TMX1: variants seen among roughly 807,000 people sequenced by gnomAD.
TMX1 encodes thioredoxin-related transmembrane protein 1.
In TMX1, 25 loss-of-function variants were observed where a neutral mutation model predicts 36.6. That is an observed-to-expected ratio of 0.68 (90% confidence interval 0.50 to 0.95). TMX1 has a LOEUF of 0.95. TMX1 is among the 40% of genes least tolerant of loss of function. The pLI is 0.00. For synonymous variants in TMX1, 133 were observed against 118.0 expected (o/e 1.13, Z -0.82); for missense variants, 347 against 339.6 (o/e 1.02, Z -0.17).
intron 7 of TMX1, among the ~76,000 whole-genome samples, chr14:51,252,796 A>G (rs934434355): frequency 1.1e-4 from 17 of 152,324 alleles, no homozygotes; most frequent in Admixed American, 7.8e-4. Context: ...TGGTTTATGT[A>G]GGGATGAAGT....
At chr14:51,250,838 G>T (rs897539839) in intron 7 of TMX1, among the ~76,000 whole-genome samples, 2 of 152,190 alleles carry the variant, frequency 1.3e-5, no homozygotes, top group African/African-American at 4.8e-5. Context: ...TTTCCGAAAT[G>T]AAGTCTATGG....
In TMX1 at chr14:51,247,216, G is replaced by T; in HGVS notation, c.439G>T (p.Val147Phe). 6.2e-7 allele frequency: 1 copy of T among 1,610,816 alleles called. No homozygotes were observed. Among genetic ancestry groups the T allele is most frequent in the South Asian group, 1.1e-5 (1 of 90,282 alleles). ...PVSSWFGPGS[V>F]LMSSMSALFQ... ...TTCATCATGGTTTGGTCCAGGTTCT[G>T]TTCTGTAAGTATGAGGGCTTTTTCT... The change falls in exon 4 of 8, where the codon GTT becomes TTT. Residue 147 changes from valine to phenylalanine, a missense_variant. Physicochemically the swap from Val to Phe is conservative, Grantham distance 50. Coordinates refer to ENST00000457354, the MANE Select transcript of TMX1 (RefSeq NM_030755.5).
chr14:51,240,901 C>T (rs993716570), intron 1 of TMX1, among the ~76,000 whole-genome samples: 1 of 152,008 alleles, frequency 6.6e-6, no homozygotes, highest in Non-Finnish European at 1.5e-5. Flanking sequence ...AAGATAGTCT[C>T]TTTATGGTGT....
Position 51,249,391 on chromosome 14 carries a change from T to C in TMX1, c.489+20T>C. On this transcript the variant is annotated intron_variant, in intron 5 of 7. Transcript: ENST00000457354. ...ATCAGGGTATGGACTAAAATATTTT[T>C]ATCTTAAACATTTTTACCACTATCA... is the stretch of plus-strand genomic sequence containing the variant. 6.2e-7 allele frequency: 1 copy of C among 1,600,924 alleles called. No individual in the cohort carries two copies. The highest frequency in any genetic ancestry group is 8.5e-7 in the Non-Finnish European group (1 of 1,174,984).
At chr14:51,241,043 C>CT (rs1485013337) in intron 1 of TMX1, among the ~76,000 whole-genome samples, 3 of 151,832 alleles carry the variant, frequency 2.0e-5, no homozygotes, top group East Asian at 3.9e-4. Context: ...TTTGCTTTCT[C>CT]TTTTTTTCAC....
At chr14:51,246,116 T>A (rs184072004) in intron 3 of TMX1, among the ~76,000 whole-genome samples, 35 of 152,268 alleles carry the variant, frequency 2.3e-4, no homozygotes, top group Admixed American at 5.9e-4. Flanking sequence ...CCCTACTCCC[T>A]TTACATCTAT....
Position 51,245,314 on chromosome 14 carries a change from A to T in TMX1, c.270A>T (p.Gly90=), listed in dbSNP as rs1433590554. ...CTGCTGTGTGTTCTTTATTTGTAGG[A>T]CTGAGTGGACGGTTTATCATAACTG... The part of the protein sequence containing the change: ...IAKVDVTEQP[G]LSGRFIITAL... The change falls in exon 3 of 8, where the codon GGA becomes GGT. Residue 90 remains glycine (G), a splice_region_variant and synonymous_variant. Transcript: ENST00000457354. 6.2e-7 allele frequency: 1 copy of T among 1,613,712 alleles called. No individual in the cohort carries two copies. Among genetic ancestry groups the T allele is most frequent in the Non-Finnish European group, 8.5e-7 (1 of 1,179,960 alleles).
intron 7 of TMX1, among the ~76,000 whole-genome samples, chr14:51,253,581 T>A (rs1421897339): frequency 6.6e-6 from 1 of 152,184 alleles, no homozygotes; most frequent in Admixed American, 6.5e-5. Context: ...AGAGTAAAGC[T>A]CTTTGACCCA....
chr14:51,241,538 G>A (rs2065761312), intron 1 of TMX1, among the ~76,000 whole-genome samples: 1 of 152,134 alleles, frequency 6.6e-6, no homozygotes, highest in Non-Finnish European at 1.5e-5. Context: ...TTCAGAGTAG[G>A]CATACAATAA....
At chr14:51,246,236 C>T (rs746243858) in intron 3 of TMX1, among the ~76,000 whole-genome samples, 1 of 152,104 alleles carries the variant, frequency 6.6e-6, no homozygotes, top group Non-Finnish European at 1.5e-5. Context: ...CTTCTTAGTG[C>T]CCTGTGACCT....
Position 51,249,856 on chromosome 14 carries a change from A to G in TMX1, c.664+91A>G. 3.1e-6 allele frequency: 3 copies of G among 974,014 alleles called. No homozygotes were observed. In the South Asian group the frequency reaches 5.3e-5, roughly 17 times the overall value. The allele number at this position is 974,014 out of a possible 1,614,324, so 60.3% of individuals were successfully genotyped here. On this transcript the variant is annotated intron_variant, in intron 7 of 7. Transcript: ENST00000457354. ...CACACATTTCACAGGTTGCTCTTCCAGCTTAGAATTCTAACTGTGGATTGT... is the reference window on the plus strand; with the variant it reads ...CACACATTTCACAGGTTGCTCTTCCGGCTTAGAATTCTAACTGTGGATTGT...
At chr14:51,240,486 A>G (rs762966688) in intron 1 of TMX1, 42 bp downstream of exon 1, 53 of 1,594,836 alleles carry the variant, frequency 3.3e-5, no homozygotes, top group Non-Finnish European at 4.2e-5. Flanking sequence ...GTGCCTGGAC[A>G]CACGACTTCA....
intron 4 of TMX1, among the ~76,000 whole-genome samples, chr14:51,248,275 G>C (rs2065795820): frequency 6.6e-6 from 1 of 152,212 alleles, no homozygotes; most frequent in African/African-American, 2.4e-5. Context: ...ACCATGGACT[G>C]ATCCTGTGTG....
Position 51,247,152 on chromosome 14 carries a change from C to A in TMX1, c.375C>A (p.Asn125Lys), listed in dbSNP as rs1214599095. ...QGPRTKKDFI[N>K]FISDKEWKSI... ...CAAGGACTAAGAAGGACTTCATAAA[C>A]TTTATAAGTGATAAAGAGTGGAAGA... is the stretch of plus-strand genomic sequence containing the variant. Residue 125 changes from asparagine (N) to lysine (K), a missense_variant, in exon 4 of 8, where the codon AAC becomes AAA. Asn to Lys is a moderately conservative substitution (Grantham distance 94). Transcript: ENST00000457354. 1 of 1,613,290 alleles carries A rather than the reference C, an allele frequency of 6.2e-7. No individual in the cohort carries two copies. Among genetic ancestry groups the A allele is most frequent in the Non-Finnish European group, 8.5e-7 (1 of 1,179,792 alleles).
At chr14:51,243,654 C>G (rs2139851209) in intron 1 of TMX1, among the ~76,000 whole-genome samples, 1 of 152,336 alleles carries the variant, frequency 6.6e-6, no homozygotes, top group South Asian at 2.1e-4. Flanking sequence ...TGATTAGCAT[C>G]ATCAGTTCAT....
At chr14:51,242,728 G>C (rs2065767537) in intron 1 of TMX1, among the ~76,000 whole-genome samples, 1 of 152,100 alleles carries the variant, frequency 6.6e-6, no homozygotes, top group African/African-American at 2.4e-5. Flanking sequence ...AGTGAGCCCA[G>C]ATGGCGCCAC....
intron 1 of TMX1, among the ~76,000 whole-genome samples, chr14:51,243,354 T>C (rs956115333): frequency 1.3e-5 from 2 of 152,234 alleles, no homozygotes; most frequent in African/African-American, 4.8e-5. Context: ...TTCTTTTAAA[T>C]ATGAATAGCC....
chr14:51,242,334 G>A lies in TMX1; in HGVS notation c.153-1522G>A, dbSNP rs535937617. On this transcript the variant is annotated intron_variant, in intron 1 of 7. Transcript: ENST00000457354. ...AATAGTGTTATAAGCAATATATTAA[G>A]CAATAGTGATCGTGTGTGTATATGC... 1.5e-3 allele frequency among the ~76,000 whole-genome samples: 227 copies of A among 152,206 alleles called. 2 individuals carry two copies. Among genetic ancestry groups the A allele is most frequent in the Non-Finnish European group, 2.7e-3 (187 of 68,004 alleles).
At chr14:51,253,656 A>G (rs1368337058) in intron 7 of TMX1, among the ~76,000 whole-genome samples, 1 of 152,210 alleles carries the variant, frequency 6.6e-6, no homozygotes, top group Non-Finnish European at 1.5e-5. Flanking sequence ...CTGGCCATAT[A>G]AAACATCGAA....
Sources: gnomAD v4.1 joint callset for allele counts (sites outside exome capture counted in the v4.1 genomes callset) on GRCh38, gnomAD v4.1.1 for gene constraint, MANE v1.5 for transcripts, NCBI Gene and HGNC (gene_info 2026-07-23, HGNC 2026-07-21) for gene names.